Variants in CYP4X1 observed in about 807,000 individuals in gnomAD.
CYP4X1 encodes the protein cytochrome P450 family 4 subfamily X member 1, also known as cytochrome P450 4X1.
Under a neutral mutation model 57.9 loss-of-function variants are expected in CYP4X1, and 44 were observed. The observed-to-expected ratio is 0.76, with a 90% CI of 0.60 to 0.98. The LOEUF (loss-of-function observed/expected upper bound fraction) is 0.98, where lower values mean the gene tolerates loss of function less well. Among genes scored for constraint, CYP4X1 ranks in the 50% least tolerant of loss-of-function variants. CYP4X1 has a pLI of 0.00. For missense variants in CYP4X1, 532 were observed against 623.9 expected (o/e 0.85, Z 1.57); for synonymous variants, 227 against 228.6 (o/e 0.99, Z 0.06).
Position 47,039,946 on chromosome 1 carries a change from G to A in CYP4X1, c.1073+414G>A, listed in dbSNP as rs750635419. 1.4e-4 allele frequency among the ~76,000 whole-genome samples: 21 copies of A among 152,036 alleles called. 1 individual carries two copies. The highest frequency in any genetic ancestry group is 2.5e-4 in the Non-Finnish European group (17 of 67,994). ...GGCTCATTTTAGACATCTCCCAGCC[G>A]CTTGTCACCAATTTTATTCCTCAGG... On this transcript the variant is annotated intron_variant, in intron 8 of 11. Transcript: ENST00000371901.
chr1:46,972,626 A>G, the CYP4X1 span, among the ~76,000 whole-genome samples: 1 of 152,092 alleles, frequency 6.6e-6, no homozygotes, highest in Non-Finnish European at 1.5e-5. Context: ...AGTGTTTTAT[A>G]ATTCTTCTTG....
intron 8 of CYP4X1, among the ~76,000 whole-genome samples, chr1:47,043,354 G>A (rs941282557): frequency 3.9e-5 from 6 of 151,982 alleles, no homozygotes; most frequent in African/African-American, 1.2e-4. Context: ...CTGGATATTA[G>A]ACCTTTGTTG....
intron 1 of CYP4X1, among the ~76,000 whole-genome samples, chr1:47,027,508 A>G (rs1557601687): frequency 6.6e-6 from 1 of 152,200 alleles, no homozygotes; most frequent in African/African-American, 2.4e-5. Context: ...GAACATTTCA[A>G]GTCTCTTCAA....
At chr1:46,983,602 C>A in the CYP4X1 span, among the ~76,000 whole-genome samples, 2,725 of 152,216 alleles carry the variant, frequency 0.018, 64 homozygotes, top group African/African-American at 0.062. Flanking sequence ...GAAAACCTGC[C>A]CAGTGATGAG....
In CYP4X1 at chr1:47,029,981, TC is replaced by T; in HGVS notation, c.178-8del. On this transcript the variant is annotated splice_region_variant and splice_polypyrimidine_tract_variant and intron_variant, in intron 1 of 11. Transcript: ENST00000371901. ...GGCTGGCTAATTACTTTTACTTTTT[TC>T]ACTGCAGTTTATTCAGGATGATAAC... The T allele has an allele frequency of 6.2e-7, 1 of 1,613,458 alleles. No homozygotes were observed. The highest frequency in any genetic ancestry group is 1.1e-5 in the South Asian group (1 of 90,940).
chr1:47,028,974 T>C (rs1160619922), intron 1 of CYP4X1, among the ~76,000 whole-genome samples: 1 of 152,232 alleles, frequency 6.6e-6, no homozygotes, highest in East Asian at 1.9e-4. Context: ...GTTTCAAGAC[T>C]CTCAACCTTT....
chr1:47,048,444 G>A, intron 9 of CYP4X1, 121 bp from the exon 10 acceptor site: 1 of 1,038,604 alleles, frequency 9.6e-7, no homozygotes. Context: ...ATCAGCTACA[G>A]CAGGCAGAGC....
the CYP4X1 span, among the ~76,000 whole-genome samples, chr1:46,990,294 A>G: frequency 6.6e-6 from 1 of 152,220 alleles, no homozygotes; most frequent in Non-Finnish European, 1.5e-5. Flanking sequence ...CAAACATATG[A>G]AAAAAAGCTC....
At chr1:46,975,168 T>G in the CYP4X1 span, among the ~76,000 whole-genome samples, 2 of 152,212 alleles carry the variant, frequency 1.3e-5, no homozygotes, top group Non-Finnish European at 2.9e-5. Context: ...TTTAGCCTGT[T>G]TACGTTCAAG....
chr1:47,007,752 A>C, the CYP4X1 span, among the ~76,000 whole-genome samples: 1 of 152,238 alleles, frequency 6.6e-6, no homozygotes, highest in Non-Finnish European at 1.5e-5. Flanking sequence ...CGGAGCCGAA[A>C]ACCATGGCAC....
downstream of CYP4X1, among the ~76,000 whole-genome samples, chr1:47,051,514 C>T (rs1644360238): frequency 6.6e-6 from 1 of 152,108 alleles, no homozygotes; most frequent in South Asian, 2.1e-4. Context: ...CCATTATAAT[C>T]TCATTAATTG....
intron 4 of CYP4X1, 30 bp from the exon 5 acceptor site, chr1:47,035,776 G>A (rs1270243828): frequency 6.3e-7 from 1 of 1,599,034 alleles, no homozygotes; most frequent in East Asian, 2.2e-5. Flanking sequence ...TGGTGGTGGT[G>A]ATGATGTTGG....
the CYP4X1 span, among the ~76,000 whole-genome samples, chr1:47,012,476 G>GC: frequency 1.3e-5 from 2 of 152,124 alleles, no homozygotes; most frequent in African/African-American, 4.8e-5. Flanking sequence ...GTTAATGGGT[G>GC]CAGCACACCA....
At chr1:46,986,895 A>G in the CYP4X1 span, among the ~76,000 whole-genome samples, 38 of 152,182 alleles carry the variant, frequency 2.5e-4, no homozygotes, top group Non-Finnish European at 5.1e-4. Context: ...AACATGGAAA[A>G]AAAAACCAGT....
chr1:47,037,918 TTA>T (rs1441744155), intron 6 of CYP4X1, among the ~76,000 whole-genome samples: 4 of 152,174 alleles, frequency 2.6e-5, no homozygotes, highest in African/African-American at 9.6e-5. Context: ...ATTTAAAAGT[TTA>T]TCTTTTCAAG....
chr1:47,046,519 C>T lies in CYP4X1; in HGVS notation c.1126C>T (p.Arg376Ter), dbSNP rs775503726. 3.1e-6 allele frequency: 5 copies of T among 1,613,994 alleles called. No individual in the cohort carries two copies. Among genetic ancestry groups the T allele is most frequent in the African/African-American group, 1.3e-5 (1 of 74,908 alleles). ...CACAATGTGCATCAAGGAGACGTGC[C>T]GATTGATTCCTGCAGTCCCGTCCAT... is the stretch of plus-strand genomic sequence containing the variant. The part of the protein sequence containing the change: ...YTTMCIKETC[R>*]LIPAVPSISR... Residue 376 changes from arginine (R) to a stop codon, truncating the protein, a stop_gained, in exon 9 of 12, where the codon CGA becomes TGA. Coordinates refer to ENST00000371901, the MANE Select transcript of CYP4X1 (RefSeq NM_178033.2). LOFTEE classifies it high-confidence loss of function.
chr1:47,005,606 A>T, the CYP4X1 span, among the ~76,000 whole-genome samples: 1 of 152,346 alleles, frequency 6.6e-6, no homozygotes, highest in African/African-American at 2.4e-5. Context: ...TGTTGTGACT[A>T]GCAAATTGGC....
Position 47,048,369 on chromosome 1 carries a change from T to C in CYP4X1, c.1208-196T>C, listed in dbSNP as rs1323126989. On this transcript the variant is annotated intron_variant, in intron 9 of 11. Coordinates refer to ENST00000371901, the MANE Select transcript of CYP4X1 (RefSeq NM_178033.2). ...AAGATAGAATCATGAATTCAGTAAA[T>C]TGTTGTGTGGAAAGCTAAGGTGCCA... is the stretch of plus-strand genomic sequence containing the variant. Among the ~76,000 whole-genome samples, 5 of 152,310 alleles carry C rather than the reference T, an allele frequency of 3.3e-5. No homozygotes were observed. In the Middle Eastern group the frequency reaches 0.01, roughly 311 times the overall value.
downstream of CYP4X1, among the ~76,000 whole-genome samples, chr1:47,051,202 A>C (rs1644357896): frequency 6.6e-6 from 1 of 152,162 alleles, no homozygotes. Flanking sequence ...CACCAGTTAG[A>C]ATGGCAATCA....
Sources: allele counts gnomAD v4.1 joint callset (sites outside exome capture counted in the v4.1 genomes callset), GRCh38; gene constraint gnomAD v4.1.1; transcripts MANE v1.5; gene names NCBI Gene and HGNC (gene_info 2026-07-23, HGNC 2026-07-21).